The following SLC38A12 variants were observed in gnomAD, a reference collection of about 807,000 sequenced individuals.
SLC38A12 encodes putative sodium-coupled neutral amino acid transporter 12.
the SLC38A12 span, among the ~76,000 whole-genome samples, chr17:74,814,140 C>T: frequency 6.6e-6 from 1 of 152,174 alleles, no homozygotes; most frequent in Non-Finnish European, 1.5e-5. Flanking sequence ...GACACCACCC[C>T]TCTGGGAGCC....
chr17:74,805,042 G>A, the SLC38A12 span, among the ~76,000 whole-genome samples: 2 of 152,234 alleles, frequency 1.3e-5, no homozygotes, highest in Non-Finnish European at 2.9e-5. This position sits in a 1 kb window ranked among gnomAD's most constrained non-coding sequence, Gnocchi z 5.0. Context: ...CAGTATATTC[G>A]AAGGCCACAG....
the SLC38A12 span, among the ~76,000 whole-genome samples, chr17:74,792,208 T>C: frequency 2.6e-5 from 4 of 152,078 alleles, no homozygotes; most frequent in African/African-American, 7.2e-5. Context: ...CCCAGCACTT[T>C]GGGAGGCCGA....
the SLC38A12 span, among the ~76,000 whole-genome samples, chr17:74,793,676 G>A: frequency 2.9e-3 from 440 of 152,240 alleles, no homozygotes; most frequent in African/African-American, 9.7e-3. Flanking sequence ...GGGACAATGC[G>A]TCCCCTCAGA....
At chr17:74,825,257 A>T in the SLC38A12 span, among the ~76,000 whole-genome samples, 126 of 152,324 alleles carry the variant, frequency 8.3e-4, 2 homozygotes, top group East Asian at 0.022. Flanking sequence ...CAACTGGGCC[A>T]CTGTCCAGGG....
At chr17:74,786,362 C>A in the SLC38A12 span, among the ~76,000 whole-genome samples, 47 of 152,264 alleles carry the variant, frequency 3.1e-4, no homozygotes, top group African/African-American at 1.1e-3. Context: ...GGAAACACCT[C>A]CCCTGAGAGG....
chr17:74,777,574 T>A, the SLC38A12 span: 1 of 1,522,668 alleles, frequency 6.6e-7, no homozygotes, highest in Non-Finnish European at 8.8e-7. Flanking sequence ...ATTCTCTTTT[T>A]AAGGTGTTTG....
the SLC38A12 span, among the ~76,000 whole-genome samples, chr17:74,803,661 A>G: frequency 6.6e-6 from 1 of 152,138 alleles, no homozygotes; most frequent in African/African-American, 2.4e-5. Flanking sequence ...TCACTTCCCA[A>G]GCCACCTGGG....
the SLC38A12 span, among the ~76,000 whole-genome samples, chr17:74,831,204 G>A: frequency 6.6e-6 from 1 of 152,184 alleles, no homozygotes; most frequent in African/African-American, 2.4e-5. Flanking sequence ...CACAGCTAGT[G>A]TGCCTGATAA....
the SLC38A12 span, among the ~76,000 whole-genome samples, chr17:74,802,091 G>T: frequency 6.6e-6 from 1 of 152,134 alleles, no homozygotes; most frequent in Admixed American, 6.5e-5. Context: ...GGACACCTGG[G>T]TGACGCCTCC....
At chr17:74,806,378 G>A in the SLC38A12 span, among the ~76,000 whole-genome samples, 1 of 152,142 alleles carries the variant, frequency 6.6e-6, no homozygotes, top group African/African-American at 2.4e-5. Context: ...CAGCCGTCGG[G>A]GAGAATAATG....
the SLC38A12 span, chr17:74,790,146 C>T: frequency 6.8e-7 from 1 of 1,461,974 alleles, no homozygotes; most frequent in South Asian, 1.1e-5. Flanking sequence ...TGATGTGCTC[C>T]TTTCTTTTCC....
chr17:74,797,562 G>A, the SLC38A12 span, among the ~76,000 whole-genome samples: 1 of 152,306 alleles, frequency 6.6e-6, no homozygotes, highest in East Asian at 1.9e-4. Flanking sequence ...CTTCTACCCA[G>A]TTTGGAGAAA....
At chr17:74,837,424 C>T in the SLC38A12 span, 10 of 985,582 alleles carry the variant, frequency 1.0e-5, no homozygotes, top group Non-Finnish European at 1.1e-5. Flanking sequence ...GAGCTTGTCT[C>T]TGAAAGGGAC....
chr17:74,781,533 A>G, the SLC38A12 span, among the ~76,000 whole-genome samples: 215 of 152,064 alleles, frequency 1.4e-3, no homozygotes, highest in Non-Finnish European at 4.9e-4. Flanking sequence ...CCATCCTCCC[A>G]CCTCAGGAGT....
At chr17:74,786,695 G>A in the SLC38A12 span, among the ~76,000 whole-genome samples, 2 of 152,184 alleles carry the variant, frequency 1.3e-5, no homozygotes, top group African/African-American at 2.4e-5. Context: ...AAACTAAGAC[G>A]TACAGGAAGC....
the SLC38A12 span, chr17:74,777,635 C>T: frequency 7.0e-7 from 1 of 1,437,394 alleles, no homozygotes; most frequent in Non-Finnish European, 9.2e-7. Flanking sequence ...AATGTTAATC[C>T]CGGGCTGGGC....
chr17:74,813,739 G>A, the SLC38A12 span, among the ~76,000 whole-genome samples: 1 of 152,098 alleles, frequency 6.6e-6, no homozygotes, highest in African/African-American at 2.4e-5. Flanking sequence ...GACCTCAGGT[G>A]ATCTGCCCGC....
At chr17:74,798,624 T>G in the SLC38A12 span, among the ~76,000 whole-genome samples, 2 of 152,216 alleles carry the variant, frequency 1.3e-5, no homozygotes, top group Non-Finnish European at 2.9e-5. Context: ...GTGGGCTCTC[T>G]GGGGTGTCCC....
At chr17:74,810,260 G>A in the SLC38A12 span, among the ~76,000 whole-genome samples, 3 of 152,200 alleles carry the variant, frequency 2.0e-5, no homozygotes, top group African/African-American at 4.8e-5. Context: ...TGCACAGGGG[G>A]CACCCACTTC....
Sources: allele counts gnomAD v4.1 joint callset (sites outside exome capture counted in the v4.1 genomes callset), GRCh38; gene constraint gnomAD v4.1.1; non-coding constraint Gnocchi (gnomAD v3.1); transcripts MANE v1.5; gene names NCBI Gene and HGNC (gene_info 2026-07-23, HGNC 2026-07-21).